The following PDZRN4 variants were observed in gnomAD, a reference collection of about 807,000 sequenced individuals.
The protein encoded by PDZRN4 is PDZ domain-containing RING finger protein 4.
In PDZRN4, 70 loss-of-function variants were observed where a neutral mutation model predicts 99.0. That is an observed-to-expected ratio of 0.71 (90% CI 0.58 to 0.86). The LOEUF (loss-of-function observed/expected upper bound fraction) is 0.86, where lower values mean the gene tolerates loss of function less well. Among genes scored for constraint, PDZRN4 ranks in the 40% least tolerant of loss-of-function variants. The pLI is 0.00. For missense variants in PDZRN4, 1,474 were observed against 1,331.2 expected (o/e 1.11, Z -1.67); for synonymous variants, 551 against 501.6 (o/e 1.10, Z -1.32).
intron 3 of PDZRN4, among the ~76,000 whole-genome samples, chr12:41,400,629 GT>G (rs1315103369): frequency 1.3e-5 from 2 of 152,090 alleles, no homozygotes; most frequent in Non-Finnish European, 2.9e-5. Context: ...TATGGAGTGA[GT>G]GGGGGGATGT....
intron 3 of PDZRN4, chr12:41,412,138 C>A (rs1010245877): frequency 1.3e-5 from 2 of 152,186 alleles, no homozygotes; most frequent in Non-Finnish European, 2.9e-5. Context: ...TCCCACCTAT[C>A]TGGATATATG....
At chr12:41,346,304 T>C (rs1041510664) in intron 3 of PDZRN4, among the ~76,000 whole-genome samples, 20 of 151,946 alleles carry the variant, frequency 1.3e-4, no homozygotes, top group African/African-American at 4.6e-4. Context: ...CTACTAAAAA[T>C]ACAAAAAATT....
At chr12:41,415,105 T>C (rs1239179246) in intron 3 of PDZRN4, among the ~76,000 whole-genome samples, 2 of 152,248 alleles carry the variant, frequency 1.3e-5, no homozygotes, top group East Asian at 3.9e-4. Flanking sequence ...TGTAGTATGA[T>C]CCTGTTTGTA....
chr12:41,469,560 C>T (rs1407242387), intron 3 of PDZRN4, among the ~76,000 whole-genome samples: 1 of 152,092 alleles, frequency 6.6e-6, no homozygotes, highest in Non-Finnish European at 1.5e-5. Flanking sequence ...TTTTTCTGCA[C>T]ATTAATCAAT....
At chr12:41,370,102 CCTAAA>C (rs1165392973) in intron 3 of PDZRN4, among the ~76,000 whole-genome samples, 11 of 151,832 alleles carry the variant, frequency 7.2e-5, no homozygotes, top group African/African-American at 2.7e-4. Flanking sequence ...TTAAAATGCC[CCTAAA>C]CTAATTATAA....
chr12:41,287,948 G>C (rs1381594270), intron 3 of PDZRN4, among the ~76,000 whole-genome samples: 1 of 152,146 alleles, frequency 6.6e-6, no homozygotes, highest in African/African-American at 2.4e-5. Context: ...TGGAATGCTA[G>C]TTGTGACTTA....
chr12:41,406,751 G>A (rs1017180519), intron 3 of PDZRN4, among the ~76,000 whole-genome samples: 1 of 151,368 alleles, frequency 6.6e-6, no homozygotes, highest in African/African-American at 2.4e-5. Flanking sequence ...CCAGCTTCTC[G>A]GGAGGCTGAG....
intron 3 of PDZRN4, among the ~76,000 whole-genome samples, chr12:41,271,967 C>T (rs967209495): frequency 2.6e-5 from 4 of 152,012 alleles, no homozygotes; most frequent in Admixed American, 2.0e-4. Flanking sequence ...GCACAGACAA[C>T]AAATGATTTT....
At chr12:41,206,011 T>C (rs1013795614) in intron 3 of PDZRN4, among the ~76,000 whole-genome samples, 5 of 152,022 alleles carry the variant, frequency 3.3e-5, no homozygotes, top group Admixed American at 1.3e-4. Flanking sequence ...CTCACATTGC[T>C]GCATGTAAGT....
At chr12:41,245,169 T>TTA (rs970450088) in intron 3 of PDZRN4, among the ~76,000 whole-genome samples, 1 of 151,996 alleles carries the variant, frequency 6.6e-6, no homozygotes, top group East Asian at 1.9e-4. Flanking sequence ...CTCTTGTGTA[T>TTA]TATATATATA....
At chr12:41,289,079 CATT>C (rs1951439785) in intron 3 of PDZRN4, among the ~76,000 whole-genome samples, 4 of 151,884 alleles carry the variant, frequency 2.6e-5, no homozygotes. Flanking sequence ...TTCATTTTGG[CATT>C]ATTTTATTAT....
intron 3 of PDZRN4, among the ~76,000 whole-genome samples, chr12:41,417,121 T>C (rs546873584): frequency 1.8e-4 from 28 of 152,328 alleles, no homozygotes; most frequent in African/African-American, 6.7e-4. Flanking sequence ...GATTTCCTGA[T>C]ATTCTTACTC....
At chr12:41,355,317 T>C (rs746707954) in intron 3 of PDZRN4, among the ~76,000 whole-genome samples, 11 of 152,026 alleles carry the variant, frequency 7.2e-5, no homozygotes, top group Non-Finnish European at 1.5e-4. Context: ...TGATGACACA[T>C]TGAGAACCTG....
chr12:41,382,926 T>G (rs1565567832), intron 3 of PDZRN4, among the ~76,000 whole-genome samples: 1 of 152,252 alleles, frequency 6.6e-6, no homozygotes, highest in Non-Finnish European at 1.5e-5. Flanking sequence ...GTTTTCATTT[T>G]GCAGACAAAA....
rs753625766 is a variant in PDZRN4, at chr12:41,572,763, G to A, written c.1984G>A (p.Val662Met). 1 of 1,614,176 alleles carries A rather than the reference G, an allele frequency of 6.2e-7. No individual in the cohort carries two copies. The highest frequency in any genetic ancestry group is 1.1e-5 in the South Asian group (1 of 91,084). ...IECNQGEQEG[V>M]EHELQLLNEE... Reference sequence around the variant, plus strand: ...ATGCAATCAAGGGGAGCAAGAGGGAGTGGAGCATGAGCTACAGTTGCTTAA... The same window carrying A: ...ATGCAATCAAGGGGAGCAAGAGGGAATGGAGCATGAGCTACAGTTGCTTAA... Residue 662 changes from valine (V) to methionine (M), a missense_variant, in exon 10 of 10, where the codon GTG (valine) becomes ATG (methionine). By Grantham distance (21) the Val-to-Met change is conservative. Transcript: ENST00000402685.
intron 3 of PDZRN4, among the ~76,000 whole-genome samples, chr12:41,379,426 C>G (rs1317590957): frequency 2.0e-5 from 3 of 149,874 alleles, no homozygotes; most frequent in South Asian, 2.1e-4. Context: ...TTTGGTTGTT[C>G]TTTTTCTAGT....
chr12:41,329,149 G>A (rs1004994024), intron 3 of PDZRN4, among the ~76,000 whole-genome samples: 3 of 152,096 alleles, frequency 2.0e-5, no homozygotes, highest in African/African-American at 7.2e-5. Flanking sequence ...AGCATCCGCT[G>A]CTAGTTATTG....
chr12:41,275,195 C>A (rs1472559762), intron 3 of PDZRN4, among the ~76,000 whole-genome samples: 1 of 152,076 alleles, frequency 6.6e-6, no homozygotes, highest in African/African-American at 2.4e-5. Flanking sequence ...CTGTGTGGCT[C>A]ATTTCCTCAT....
intron 5 of PDZRN4, 113 bp downstream of exon 5, chr12:41,510,026 C>T: frequency 5.4e-6 from 3 of 558,322 alleles, no homozygotes; most frequent in South Asian, 2.5e-5. Context: ...TATTACATAT[C>T]CAGTGTAAGA....
Sources: gnomAD v4.1 joint callset for allele counts (sites outside exome capture counted in the v4.1 genomes callset) on GRCh38, gnomAD v4.1.1 for gene constraint, MANE v1.5 for transcripts, NCBI Gene and HGNC (gene_info 2026-07-23, HGNC 2026-07-21) for gene names.